ZCCHC4: variants seen among roughly 807,000 people sequenced by gnomAD.
The protein encoded by ZCCHC4 is zinc finger CCHC-type containing 4, also known as rRNA N(6)-adenosine-methyltransferase ZCCHC4.
Under a neutral mutation model 67.7 loss-of-function variants are expected in ZCCHC4, and 54 were observed. The observed-to-expected ratio is 0.80, with a 90% CI of 0.64 to 1.00. The LOEUF (loss-of-function observed/expected upper bound fraction) is 1.00, where lower values mean the gene tolerates loss of function less well. Among genes scored for constraint, ZCCHC4 ranks in the 50% least tolerant of loss-of-function variants. The probability of loss-of-function intolerance (pLI) is 0.00; values close to 1 mark genes in which losing one functional copy is unlikely to be tolerated. For missense variants in ZCCHC4, 609 were observed against 617.0 expected, an observed-to-expected ratio of 0.99 and a Z score of 0.14; for synonymous variants, 198 against 213.5, an observed-to-expected ratio of 0.93 and a Z score of 0.63.
intron 8 of ZCCHC4, 102 bp from the exon 9 acceptor site, chr4:25,361,757 A>G: frequency 8.3e-7 from 1 of 1,206,354 alleles, no homozygotes; most frequent in Non-Finnish European, 1.1e-6. Context: ...CAAATACTTT[A>G]ACTCATATAT....
intron 8 of ZCCHC4, among the ~76,000 whole-genome samples, chr4:25,355,455 G>C (rs1478591310): frequency 6.6e-6 from 1 of 152,178 alleles, no homozygotes; most frequent in Non-Finnish European, 1.5e-5. Flanking sequence ...GGGTCAGGGA[G>C]TGGTGGTGTT....
chr4:25,325,624 T>A (rs1238377045), intron 3 of ZCCHC4, among the ~76,000 whole-genome samples: 1 of 152,224 alleles, frequency 6.6e-6, no homozygotes, highest in Non-Finnish European at 1.5e-5. Flanking sequence ...TTAAGTTCAA[T>A]TTATTTTTTG....
intron 5 of ZCCHC4, among the ~76,000 whole-genome samples, chr4:25,338,266 G>A (rs1178109193): frequency 6.6e-6 from 1 of 152,076 alleles, no homozygotes; most frequent in East Asian, 1.9e-4. Context: ...GTTAATTTTT[G>A]TATTTCTTGT....
At position 25,327,402 on chromosome 4, in the gene ZCCHC4, T is replaced by TTCCCTCCTTCCCTCCC. The variant is rs1331674258; in HGVS notation, c.330-5766_330-5765insCTCCCTCCTTCCCTCC. Among the ~76,000 whole-genome samples, 18 of 102,420 alleles carry TTCCCTCCTTCCCTCCC rather than the reference T, an allele frequency of 1.8e-4. No individual in the cohort carries two copies. The South Asian group carries it at 3.1e-3, about 18-fold the overall frequency. 67.2% of individuals were successfully genotyped at this position (102,420 alleles called of 152,430 possible). On this transcript the variant is annotated intron_variant, in intron 3 of 12. Transcript: ENST00000302874. ...TCTCCCTCCCTCCCTCCCTCCCTCC[T>TTCCCTCCTTCCCTCCC]TCCCTCCTTCCCTCCTTCCCTCCTT...
chr4:25,362,397 G>C, intron 10 of ZCCHC4, 96 bp downstream of exon 10: 2 of 742,496 alleles, frequency 2.7e-6, no homozygotes, highest in Non-Finnish European at 4.0e-6. Flanking sequence ...TTTGTTAATA[G>C]GATTTGTATT....
chr4:25,344,610 A>T (rs1222806019), intron 5 of ZCCHC4, among the ~76,000 whole-genome samples: 1 of 151,780 alleles, frequency 6.6e-6, no homozygotes, highest in East Asian at 1.9e-4. Context: ...CTTAAAGTAT[A>T]ATAATAATAA....
chr4:25,363,855 T>C (rs1040061560), intron 10 of ZCCHC4, among the ~76,000 whole-genome samples: 2 of 152,040 alleles, frequency 1.3e-5, no homozygotes, highest in African/African-American at 4.8e-5. Context: ...GAGGTGTTAT[T>C]TGGAGGGGAA....
intron 8 of ZCCHC4, among the ~76,000 whole-genome samples, chr4:25,356,681 AT>A (rs1237839978): frequency 6.6e-6 from 1 of 151,952 alleles, no homozygotes; most frequent in Non-Finnish European, 1.5e-5. Context: ...CTTGGGAAGA[AT>A]TTTTTTATTA....
chr4:25,326,532 A>G (rs1007920136), intron 3 of ZCCHC4, among the ~76,000 whole-genome samples: 2 of 151,430 alleles, frequency 1.3e-5, no homozygotes, highest in Non-Finnish European at 2.9e-5. Flanking sequence ...TTTCTGGACT[A>G]TTTTTTTCCC....
intron 8 of ZCCHC4, among the ~76,000 whole-genome samples, chr4:25,357,542 A>C (rs1720564612): frequency 2.0e-5 from 3 of 152,076 alleles, no homozygotes; most frequent in Non-Finnish European, 2.9e-5. Context: ...AGTTTTTCCC[A>C]CTGCTGAAGC....
chr4:25,313,718 G>C (rs938097080), intron 1 of ZCCHC4, among the ~76,000 whole-genome samples: 7 of 151,944 alleles, frequency 4.6e-5, no homozygotes, highest in African/African-American at 1.7e-4. Context: ...TACAAAAAAA[G>C]AAAAACAGCT....
chr4:25,330,415 G>T (rs73096479), intron 3 of ZCCHC4, among the ~76,000 whole-genome samples: 1,976 of 152,144 alleles, frequency 0.013, 45 homozygotes, highest in African/African-American at 0.044. Flanking sequence ...TAATTCCTTT[G>T]TGTATTTTTG....
intron 3 of ZCCHC4, among the ~76,000 whole-genome samples, chr4:25,328,607 G>A (rs1719013892): frequency 6.7e-6 from 1 of 148,494 alleles, no homozygotes; most frequent in South Asian, 2.2e-4. Context: ...TTAGAGAAAG[G>A]ATCTTGCTCT....
chr4:25,316,924 G>A (rs1044927349), intron 3 of ZCCHC4, among the ~76,000 whole-genome samples: 3 of 151,976 alleles, frequency 2.0e-5, no homozygotes, highest in Non-Finnish European at 4.4e-5. Flanking sequence ...TTTCTTTTTT[G>A]AAATACTAAA....
At chr4:25,326,515 G>GT (rs536344188) in intron 3 of ZCCHC4, among the ~76,000 whole-genome samples, 4 of 150,292 alleles carry the variant, frequency 2.7e-5, no homozygotes, top group African/African-American at 9.8e-5. Flanking sequence ...CTTTATATGT[G>GT]TTTTTTTTTC....
Position 25,365,169 on chromosome 4 carries a change from C to T in ZCCHC4, c.1406+3C>T. On this transcript the variant is annotated splice_donor_region_variant and intron_variant, in intron 12 of 12. Coordinates refer to ENST00000302874, the MANE Select transcript of ZCCHC4 (RefSeq NM_024936.3). ...GCTACATCTAAGAGAGCTAACAAGT[C>T]AGTCGAATACTTTACTAGAAAAATG... The T allele has an allele frequency of 6.2e-7, 1 of 1,613,476 alleles. No homozygotes were observed. The highest frequency in any genetic ancestry group is 8.5e-7 in the Non-Finnish European group (1 of 1,179,718).
chr4:25,336,571 C>G (rs1373295358), intron 5 of ZCCHC4, among the ~76,000 whole-genome samples: 2 of 152,198 alleles, frequency 1.3e-5, no homozygotes, highest in Admixed American at 1.3e-4. Context: ...ACTGTAACCA[C>G]TGCCTCCTGG....
At chr4:25,340,537 G>T (rs1354825435) in intron 5 of ZCCHC4, among the ~76,000 whole-genome samples, 1 of 152,098 alleles carries the variant, frequency 6.6e-6, no homozygotes, top group Non-Finnish European at 1.5e-5. Context: ...AAAAAAGCCA[G>T]CTGAGATTTT....
intron 6 of ZCCHC4, among the ~76,000 whole-genome samples, chr4:25,347,548 A>G (rs1437248575): frequency 1.3e-5 from 2 of 152,224 alleles, no homozygotes; most frequent in Non-Finnish European, 2.9e-5. Flanking sequence ...CATTGTTTTA[A>G]TGATTTTACT....
Sources: allele counts gnomAD v4.1 joint callset (sites outside exome capture counted in the v4.1 genomes callset), GRCh38; gene constraint gnomAD v4.1.1; transcripts MANE v1.5; gene names NCBI Gene and HGNC (gene_info 2026-07-23, HGNC 2026-07-21).